GTF2F2: variants seen among roughly 807,000 people sequenced by gnomAD.
GTF2F2 encodes ATP-dependent helicase GTF2F2.
In GTF2F2, 23 loss-of-function variants were observed where a neutral mutation model predicts 42.2. The ratio of observed to expected loss-of-function variants is 0.55; its 90% CI spans 0.39 to 0.77. GTF2F2 has a LOEUF of 0.77. Ranked by LOEUF, GTF2F2 falls within the 30% of genes least tolerant of loss-of-function variation. The pLI, the probability that GTF2F2 is intolerant of heterozygous loss-of-function variation, is 0.00. For missense variants in GTF2F2, 261 were observed against 287.2 expected, an observed-to-expected ratio of 0.91 and a Z score of 0.66; for synonymous variants, 105 against 100.8, an observed-to-expected ratio of 1.04 and a Z score of -0.25.
rs1877341069 is a variant in GTF2F2 at position 45,283,371 on chromosome 13, TATC to T, written c.631-67_631-65del. 3 of 1,373,298 alleles carry T rather than the reference TATC, an allele frequency of 2.2e-6. No homozygotes were observed. The African/African-American group carries it at 4.4e-5, about 20-fold the overall frequency. 85.1% of individuals were successfully genotyped at this position (1,373,298 alleles called of 1,614,324 possible). The stretch of plus-strand genomic sequence containing the variant: ...TATGGCTTGCATATGTGCTTTGGCA[TATC>T]ATCTTATTTTAAGTTTTGTCCCCTG... On this transcript the variant is annotated intron_variant, in intron 7 of 7. Transcript: ENST00000340473.
intron 7 of GTF2F2, among the ~76,000 whole-genome samples, chr13:45,268,868 A>G (rs1349751492): frequency 6.6e-6 from 1 of 152,178 alleles, no homozygotes; most frequent in Non-Finnish European, 1.5e-5. Context: ...TTTTGCATCA[A>G]AGAACAAGTA....
At chr13:45,222,263 G>T (rs1229603137) in intron 5 of GTF2F2, among the ~76,000 whole-genome samples, 3 of 152,010 alleles carry the variant, frequency 2.0e-5, no homozygotes, top group Non-Finnish European at 4.4e-5. Flanking sequence ...TTTCATTTTA[G>T]GAGATTTATC....
At chr13:45,253,676 A>G (rs1482887599) in intron 6 of GTF2F2, among the ~76,000 whole-genome samples, 1 of 152,232 alleles carries the variant, frequency 6.6e-6, no homozygotes, top group Non-Finnish European at 1.5e-5. Flanking sequence ...CATCCCATCC[A>G]TGATGTGAGT....
intron 4 of GTF2F2, among the ~76,000 whole-genome samples, chr13:45,191,266 C>CA (rs764784402): frequency 3.2e-5 from 4 of 125,218 alleles, no homozygotes. Context: ...GCCATAATCT[C>CA]ACATTTTAAG....
chr13:45,230,482 T>C (rs992455615), intron 5 of GTF2F2, among the ~76,000 whole-genome samples: 1 of 152,198 alleles, frequency 6.6e-6, no homozygotes, highest in Non-Finnish European at 1.5e-5. Context: ...TTGGTAAGCA[T>C]GGCTTTTCGT....
At chr13:45,133,260 AG>A in intron 1 of GTF2F2, among the ~76,000 whole-genome samples, 1 of 152,138 alleles carries the variant, frequency 6.6e-6, no homozygotes, top group Non-Finnish European at 1.5e-5. Context: ...CAGCGAATTG[AG>A]GGTTAGAAGA....
chr13:45,229,933 AG>A (rs1874586711), intron 5 of GTF2F2, among the ~76,000 whole-genome samples: 1 of 152,020 alleles, frequency 6.6e-6, no homozygotes, highest in Admixed American at 6.6e-5. Context: ...ATGGTAGGAG[AG>A]GCCTGGTGCG....
chr13:45,253,214 GAT>G (rs1243327304), intron 6 of GTF2F2, among the ~76,000 whole-genome samples: 2 of 151,840 alleles, frequency 1.3e-5, no homozygotes, highest in African/African-American at 4.8e-5. Flanking sequence ...AAGTACCCTT[GAT>G]AAATTTTTAC....
intron 4 of GTF2F2, among the ~76,000 whole-genome samples, chr13:45,204,972 T>G (rs904458439): frequency 6.6e-6 from 1 of 152,212 alleles, no homozygotes; most frequent in Non-Finnish European, 1.5e-5. Context: ...GGGCAGTTGC[T>G]GTGGACCTGA....
At chr13:45,170,806 G>A (rs991169474) in intron 4 of GTF2F2, among the ~76,000 whole-genome samples, 9 of 152,134 alleles carry the variant, frequency 5.9e-5, no homozygotes, top group African/African-American at 1.7e-4. Flanking sequence ...GCAAGAGAAG[G>A]GTTGGAATGA....
intron 5 of GTF2F2, among the ~76,000 whole-genome samples, chr13:45,226,470 G>A (rs879891518): frequency 6.6e-6 from 1 of 152,066 alleles, no homozygotes; most frequent in Admixed American, 6.5e-5. Context: ...TTTCTAAGCA[G>A]TTTTTTCCAT....
chr13:45,156,977 A>G (rs1323859847), intron 4 of GTF2F2, among the ~76,000 whole-genome samples: 3 of 152,212 alleles, frequency 2.0e-5, no homozygotes, highest in Admixed American at 2.0e-4. Flanking sequence ...AGAGGAGACA[A>G]CAGTAAACAT....
intron 4 of GTF2F2, chr13:45,194,204 G>GCTGAAAGAATT: frequency 6.2e-7 from 1 of 1,614,142 alleles, no homozygotes; most frequent in Non-Finnish European, 8.5e-7. Context: ...TCCTCTGCCA[G>GCTGAAAGAATT]TCCCTTGAGC....
intron 6 of GTF2F2, among the ~76,000 whole-genome samples, chr13:45,261,585 T>C (rs1251579301): frequency 6.6e-6 from 1 of 152,178 alleles, no homozygotes; most frequent in African/African-American, 2.4e-5. Flanking sequence ...GATCATTGGA[T>C]AGAAGATTGG....
chr13:45,250,889 T>C (rs1021739233), intron 5 of GTF2F2, among the ~76,000 whole-genome samples: 21 of 152,202 alleles, frequency 1.4e-4, no homozygotes, highest in African/African-American at 4.3e-4. Context: ...AGAAACTCTG[T>C]GTGGCACATG....
intron 6 of GTF2F2, among the ~76,000 whole-genome samples, chr13:45,263,284 G>A (rs2138259996): frequency 6.6e-6 from 1 of 151,638 alleles, no homozygotes; most frequent in East Asian, 1.9e-4. Context: ...CTAGAGTGCA[G>A]TGGCGCGATC....
chr13:45,152,740 TACAG>T (rs1330944204), intron 4 of GTF2F2, among the ~76,000 whole-genome samples: 2 of 152,236 alleles, frequency 1.3e-5, no homozygotes, highest in African/African-American at 2.4e-5. Context: ...GTGAATTAAA[TACAG>T]AGAGAACTTT....
At chr13:45,251,538 T>C (rs1875879354) in intron 5 of GTF2F2, among the ~76,000 whole-genome samples, 1 of 152,168 alleles carries the variant, frequency 6.6e-6, no homozygotes, top group East Asian at 1.9e-4. Flanking sequence ...AAACTTAAAA[T>C]GCATCCAGTC....
chr13:45,241,844 G>A (rs1449372721), intron 5 of GTF2F2, among the ~76,000 whole-genome samples: 1 of 151,556 alleles, frequency 6.6e-6, no homozygotes, highest in African/African-American at 2.4e-5. Context: ...TGCCTGTTCT[G>A]GGCCCTAGGC....
Sources: gnomAD v4.1 joint callset for allele counts (sites outside exome capture counted in the v4.1 genomes callset) on GRCh38, gnomAD v4.1.1 for gene constraint, MANE v1.5 for transcripts, NCBI Gene and HGNC (gene_info 2026-07-23, HGNC 2026-07-21) for gene names.